Variants in VIPR1 observed in about 807,000 individuals in gnomAD.
VIPR1 encodes the protein vasoactive intestinal peptide receptor 1, also known as vasoactive intestinal polypeptide receptor 1.
Under a neutral mutation model 58.8 loss-of-function variants are expected in VIPR1, and 59 were observed. The observed-to-expected ratio is 1.00, with a 90% confidence interval of 0.81 to 1.25. VIPR1 has a LOEUF of 1.25. Among genes scored for constraint, VIPR1 ranks in the 50% most tolerant of loss-of-function variants. The pLI, the probability that VIPR1 is intolerant of heterozygous loss-of-function variation, is 0.00. For synonymous variants in VIPR1, 251 were observed against 242.1 expected, an observed-to-expected ratio of 1.04 and a Z score of -0.34; for missense variants, 626 against 602.7, an observed-to-expected ratio of 1.04 and a Z score of -0.40.
intron 4 of VIPR1, among the ~76,000 whole-genome samples, 169 bp from the exon 5 acceptor site, chr3:42,527,224 G>A (rs1011297282): frequency 1.6e-4 from 25 of 152,176 alleles, no homozygotes; most frequent in Admixed American, 9.2e-4. Context: ...AAACCAGGGC[G>A]TTAGGGGTCA....
chr3:42,518,460 C>T (rs1369823154), intron 2 of VIPR1, among the ~76,000 whole-genome samples: 5 of 152,244 alleles, frequency 3.3e-5, no homozygotes, highest in Middle Eastern at 3.4e-3. Flanking sequence ...TTGTGTTGGC[C>T]GGGCGCGGTG....
intron 4 of VIPR1, 45 bp downstream of exon 4, chr3:42,526,038 C>A: frequency 1.3e-6 from 2 of 1,547,638 alleles, no homozygotes; most frequent in Admixed American, 1.9e-5. Context: ...GCGCCGGGGC[C>A]CACCTAGGAG....
chr3:42,525,402 C>G (rs1412324599), intron 3 of VIPR1, among the ~76,000 whole-genome samples: 1 of 151,612 alleles, frequency 6.6e-6, no homozygotes, highest in Non-Finnish European at 1.5e-5. Flanking sequence ...TCCTGCTCCC[C>G]CTCCAGCAGC....
Position 42,517,925 on chromosome 3 carries a change from G to A in VIPR1, c.185-1298G>A, listed in dbSNP as rs1332269579. On this transcript the variant is annotated intron_variant, in intron 2 of 12. Coordinates refer to ENST00000325123, the MANE Select transcript of VIPR1 (RefSeq NM_004624.4). ...TGGGAGGTGGAGGTTGCAGTGAGCC[G>A]AGATCATGCCATTGTACTCCAGCCT... Among the ~76,000 whole-genome samples, 4 of 152,110 alleles carry A rather than the reference G, an allele frequency of 2.6e-5. No homozygotes were observed. The East Asian group carries it at 5.8e-4, about 22-fold the overall frequency.
intron 10 of VIPR1, 65 bp from the exon 11 acceptor site, chr3:42,534,910 C>T: frequency 6.3e-7 from 1 of 1,584,860 alleles, no homozygotes; most frequent in African/African-American, 1.3e-5. Flanking sequence ...GCCCCCATGC[C>T]ACACCCTATC....
chr3:42,508,826 A>G (rs1700238808), intron 1 of VIPR1: 1 of 152,216 alleles, frequency 6.6e-6, no homozygotes, highest in Non-Finnish European at 1.5e-5. Context: ...AAAAGCCAGC[A>G]AGGATGGGAA....
At chr3:42,520,708 G>A (rs190198072) in intron 3 of VIPR1, among the ~76,000 whole-genome samples, 69 of 152,280 alleles carry the variant, frequency 4.5e-4, no homozygotes, top group African/African-American at 1.6e-3. Context: ...ACAGAACTCA[G>A]GCATCTCTCA....
At chr3:42,527,252 G>T (rs1329988327) in intron 4 of VIPR1, 141 bp from the exon 5 acceptor site, 4 of 706,572 alleles carry the variant, frequency 5.7e-6, no homozygotes, top group African/African-American at 1.8e-5. Context: ...AGCTGCTCTT[G>T]GGAGCCCCAG....
chr3:42,526,844 T>C (rs1221709473), intron 4 of VIPR1, among the ~76,000 whole-genome samples: 1 of 152,026 alleles, frequency 6.6e-6, no homozygotes. Flanking sequence ...GGGCCTAGCT[T>C]TGCCCTCCTC....
Position 42,495,008 on chromosome 3 carries a change from G to A in VIPR1, c.-245+5330G>A, listed in dbSNP as rs560333078. On this transcript the variant is annotated intron_variant, in intron 1 of 13. Transcript: ENST00000433647. Reference sequence around the variant, plus strand: ...GTTTTAAAATTTATTAATTGTCTATGCGTGAAATATTTCCAAACATACAGG... The same window carrying A: ...GTTTTAAAATTTATTAATTGTCTATACGTGAAATATTTCCAAACATACAGG... 5.9e-5 allele frequency among the ~76,000 whole-genome samples: 9 copies of A among 152,202 alleles called. No individual in the cohort carries two copies. The Middle Eastern group carries it at 0.01, about 173-fold the overall frequency.
At chr3:42,514,367 C>A (rs886454495) in intron 2 of VIPR1, among the ~76,000 whole-genome samples, 2 of 152,020 alleles carry the variant, frequency 1.3e-5, no homozygotes, top group African/African-American at 2.4e-5. Flanking sequence ...CCCACAGGGA[C>A]CACATGGAAG....
chr3:42,513,049 T>A, intron 1 of VIPR1: 1 of 866,030 alleles, frequency 1.2e-6, no homozygotes, highest in Non-Finnish European at 1.4e-6. Flanking sequence ...TCCCTTCTCT[T>A]CACCTTCCAG....
intron 1 of VIPR1, among the ~76,000 whole-genome samples, chr3:42,510,008 T>C (rs1700288839): frequency 6.6e-6 from 1 of 152,170 alleles, no homozygotes; most frequent in Non-Finnish European, 1.5e-5. Flanking sequence ...CTGCTTCAAG[T>C]CTCTGTTGGC....
At chr3:42,526,557 G>T (rs1418192204) in intron 4 of VIPR1, among the ~76,000 whole-genome samples, 3 of 152,314 alleles carry the variant, frequency 2.0e-5, no homozygotes, top group African/African-American at 7.2e-5. Flanking sequence ...GCAAATGCAT[G>T]TGTGTGTGTC....
chr3:42,517,281 C>T (rs531381866), intron 2 of VIPR1, among the ~76,000 whole-genome samples: 1 of 152,378 alleles, frequency 6.6e-6, no homozygotes, highest in Admixed American at 6.5e-5. Context: ...CCCAGACCCC[C>T]TTCTTGGGAA....
At chr3:42,516,132 C>T (rs1171452130) in intron 2 of VIPR1, among the ~76,000 whole-genome samples, 6 of 152,220 alleles carry the variant, frequency 3.9e-5, no homozygotes, top group Admixed American at 3.9e-4. Context: ...CCCACCTCAT[C>T]TTGCCTCACC....
intron 1 of VIPR1, among the ~76,000 whole-genome samples, chr3:42,497,362 A>C (rs1348693228): frequency 6.6e-6 from 1 of 151,986 alleles, no homozygotes; most frequent in Non-Finnish European, 1.5e-5. Flanking sequence ...CTGCTCTCAG[A>C]CCCCTGGCTG....
chr3:42,530,655 GCAA>G, intron 6 of VIPR1, 121 bp from the exon 7 acceptor site: 1 of 1,193,726 alleles, frequency 8.4e-7, no homozygotes, highest in East Asian at 2.4e-5. Context: ...AGGGGATAAT[GCAA>G]AACAACAAAG....
At chr3:42,513,490 GAGACAAA>G in intron 1 of VIPR1, 1 of 430,158 alleles carries the variant, frequency 2.3e-6, no homozygotes, top group Non-Finnish European at 4.2e-6. Flanking sequence ...CACCCGCAAA[GAGACAAA>G]GCAGTTACAG....
Sources: allele counts gnomAD v4.1 joint callset (sites outside exome capture counted in the v4.1 genomes callset), GRCh38; gene constraint gnomAD v4.1.1; transcripts MANE v1.5; gene names NCBI Gene and HGNC (gene_info 2026-07-23, HGNC 2026-07-21).